Variants in ZFHX3 observed in about 807,000 individuals in gnomAD.
ZFHX3 encodes zinc finger homeobox protein 3.
ZFHX3 carries 42 observed loss-of-function variants against 279.1 expected under a neutral mutation model. The observed-to-expected ratio is 0.15, with a 90% CI of 0.12 to 0.19. The LOEUF (loss-of-function observed/expected upper bound fraction) is 0.19, where lower values mean the gene tolerates loss of function less well. Ranked by LOEUF, ZFHX3 falls within the 10% of genes least tolerant of loss-of-function variation. The probability of loss-of-function intolerance (pLI) is 1.00; values close to 1 mark genes in which losing one functional copy is unlikely to be tolerated. For synonymous variants in ZFHX3, 2,293 were observed against 1,957.8 expected (o/e 1.17, Z -4.52); for missense variants, 4,981 against 4,754.0 (o/e 1.05, Z -1.40).
intron 1 of ZFHX3, among the ~76,000 whole-genome samples, chr16:73,781,251 T>A (rs1485238131): frequency 6.6e-6 from 1 of 152,176 alleles, no homozygotes; most frequent in Non-Finnish European, 1.5e-5. Context: ...TTCTCAAACT[T>A]CAACATTCAT....
chr16:73,736,433 T>C (rs578096221), intron 1 of ZFHX3, among the ~76,000 whole-genome samples: 1 of 152,202 alleles, frequency 6.6e-6, no homozygotes, highest in Non-Finnish European at 1.5e-5. Flanking sequence ...TCCTCATTCC[T>C]CAAATGCAGG....
chr16:73,416,931 C>T (rs1051984855), intron 3 of ZFHX3, among the ~76,000 whole-genome samples: 5 of 151,972 alleles, frequency 3.3e-5, no homozygotes, highest in Non-Finnish European at 7.4e-5. Flanking sequence ...AACGTACCTC[C>T]CAAAATATAC....
rs76181839 is a variant in ZFHX3, at chr16:73,291,794, C to T, written c.-1194+26446G>A. Among the ~76,000 whole-genome samples the T allele has an allele frequency of 1.1e-3, 172 of 152,306 alleles. 5 individuals are homozygous for T. The East Asian group carries it at 0.023, about 20-fold the overall frequency. Reference sequence around the variant, plus strand: ...TGAGAAGATGCTTTTGATCATTCTACATGAGAGATCTATATAAACTGCCAA... The same window carrying T: ...TGAGAAGATGCTTTTGATCATTCTATATGAGAGATCTATATAAACTGCCAA... On this transcript the variant is annotated intron_variant, in intron 4 of 17. Transcript: ENST00000641206.
chr16:72,810,874 ATT>A (rs893439497), intron 7 of ZFHX3, among the ~76,000 whole-genome samples: 2 of 151,466 alleles, frequency 1.3e-5, no homozygotes. Flanking sequence ...TGTCAAAAAA[ATT>A]TTTTTTTCTT....
chr16:73,718,775 C>G (rs905911282), intron 1 of ZFHX3, among the ~76,000 whole-genome samples: 12 of 151,936 alleles, frequency 7.9e-5, no homozygotes, highest in African/African-American at 2.9e-4. Context: ...ACCACCACGT[C>G]CAGCTAATTT....
Position 73,438,888 on chromosome 16 carries a change from G to A in ZFHX3, c.-1291+17115C>T, listed in dbSNP as rs1416334210. On this transcript the variant is annotated intron_variant, in intron 3 of 17. Transcript: ENST00000641206. ...GAAAATCAGACTCACAAAATAGCAA[G>A]AGAAGCGACAGCCAGGACCAGAGAC... Among the ~76,000 whole-genome samples the A allele has an allele frequency of 2.0e-5, 3 of 152,314 alleles. No individual in the cohort carries two copies. In the East Asian group the frequency reaches 5.8e-4, roughly 29 times the overall value.
At chr16:73,256,539 C>A (rs1221764757) in intron 5 of ZFHX3, among the ~76,000 whole-genome samples, 2 of 152,172 alleles carry the variant, frequency 1.3e-5, no homozygotes, top group East Asian at 1.9e-4. Flanking sequence ...CTTGGTAGAT[C>A]TGGGATGAGG....
intron 4 of ZFHX3, among the ~76,000 whole-genome samples, chr16:73,297,191 T>C (rs1353316039): frequency 1.3e-5 from 2 of 151,950 alleles, no homozygotes; most frequent in African/African-American, 4.8e-5. Context: ...GGAATGATGA[T>C]TAACCATTTT....
chr16:73,205,408 G>A (rs991157793), intron 5 of ZFHX3, among the ~76,000 whole-genome samples: 1 of 152,164 alleles, frequency 6.6e-6, no homozygotes, highest in African/African-American at 2.4e-5. Context: ...TCTCTGTTGG[G>A]TTCAGAAGTA....
intron 1 of ZFHX3, among the ~76,000 whole-genome samples, chr16:72,991,899 C>T (rs964407803): frequency 1.3e-5 from 2 of 152,162 alleles, no homozygotes; most frequent in Non-Finnish European, 2.9e-5. Context: ...CCAACCAGCA[C>T]GAGCCTGTGA....
intron 1 of ZFHX3, among the ~76,000 whole-genome samples, chr16:72,965,157 G>A (rs1442461766): frequency 1.3e-5 from 2 of 152,238 alleles, no homozygotes; most frequent in Non-Finnish European, 2.9e-5. Flanking sequence ...GGGATTACAG[G>A]CGTGAGCCAC....
intron 1 of ZFHX3, among the ~76,000 whole-genome samples, chr16:73,752,931 G>A (rs1408419087): frequency 6.6e-6 from 1 of 152,184 alleles, no homozygotes; most frequent in African/African-American, 2.4e-5. Context: ...AGGTACAGCG[G>A]ATCCTCATTA....
chr16:73,785,474 T>TC (rs1959613945), intron 1 of ZFHX3, among the ~76,000 whole-genome samples: 2 of 152,040 alleles, frequency 1.3e-5, no homozygotes, highest in Non-Finnish European at 2.9e-5. Flanking sequence ...ATTGGGTTTC[T>TC]AAAAAGGCTT....
chr16:72,795,478 C>G lies in ZFHX3; in HGVS notation c.7204G>C (p.Ala2402Pro). ...GTAAGCTGCAAGAAAGCGGAGGAAG[C>G]TGTATTATTGGCTGATGGTGCTGGG... is the stretch of plus-strand genomic sequence containing the variant. The part of the protein sequence containing the change: ...SAPAPSANNT[A>P]SSAFLQLTAE... The change falls in exon 9 of 10, where the codon GCT becomes CCT. Residue 2402 changes from alanine to proline, a missense_variant. Transcript: ENST00000268489. The G allele has an allele frequency of 3.1e-6, 5 of 1,614,146 alleles. No individual in the cohort carries two copies. The highest frequency in any genetic ancestry group is 4.2e-6 in the Non-Finnish European group (5 of 1,180,038).
At chr16:73,588,702 C>CAA (rs35658515) in intron 2 of ZFHX3, among the ~76,000 whole-genome samples, 786 of 56,306 alleles carry the variant, frequency 0.014, 18 homozygotes, top group African/African-American at 0.041. Flanking sequence ...AAACAAAAAA[C>CAA]AAAACAAAAA....
At chr16:72,937,882 G>T (rs1960205020) in intron 3 of ZFHX3, among the ~76,000 whole-genome samples, 1 of 152,148 alleles carries the variant, frequency 6.6e-6, no homozygotes, top group Non-Finnish European at 1.5e-5. Context: ...CCCTCCACTT[G>T]TAAAACAACA....
chr16:73,157,446 G>A (rs1967117310), intron 5 of ZFHX3, among the ~76,000 whole-genome samples: 1 of 115,400 alleles, frequency 8.7e-6, no homozygotes, highest in Admixed American at 1.2e-4. Context: ...ATTGTCCTGG[G>A]TGATTTAGGA....
chr16:73,865,766 T>G (rs912916424), intron 1 of ZFHX3, among the ~76,000 whole-genome samples: 1 of 151,184 alleles, frequency 6.6e-6, no homozygotes, highest in African/African-American at 2.4e-5. Flanking sequence ...GATCACAAGG[T>G]CAGGAGATCA....
intron 5 of ZFHX3, among the ~76,000 whole-genome samples, chr16:73,227,462 A>T (rs1177300745): frequency 6.6e-6 from 1 of 152,198 alleles, no homozygotes; most frequent in African/African-American, 2.4e-5. Flanking sequence ...TCTTCCTTCC[A>T]TGGTGACTAG....
Sources: gnomAD v4.1 joint callset for allele counts (sites outside exome capture counted in the v4.1 genomes callset) on GRCh38, gnomAD v4.1.1 for gene constraint, MANE v1.5 for transcripts, NCBI Gene and HGNC (gene_info 2026-07-23, HGNC 2026-07-21) for gene names.